CNTNAP2: variants seen among roughly 807,000 people sequenced by gnomAD.
The protein encoded by CNTNAP2 is contactin-associated protein-like 2.
In CNTNAP2, 98 loss-of-function variants were observed where a neutral mutation model predicts 155.2. The ratio of observed to expected loss-of-function variants is 0.63; its 90% CI spans 0.54 to 0.75. The LOEUF is 0.75. Among genes scored for constraint, CNTNAP2 ranks in the 30% least tolerant of loss-of-function variants. The pLI, the probability that CNTNAP2 is intolerant of heterozygous loss-of-function variation, is 0.00. For missense variants in CNTNAP2, 1,727 were observed against 1,688.1 expected, an observed-to-expected ratio of 1.02 and a Z score of -0.40; for synonymous variants, 651 against 631.2, an observed-to-expected ratio of 1.03 and a Z score of -0.47.
chr7:147,332,802 T>C (rs1001513417), intron 9 of CNTNAP2, among the ~76,000 whole-genome samples: 1 of 152,058 alleles, frequency 6.6e-6, no homozygotes, highest in East Asian at 1.9e-4. Context: ...GCAGAAGCTG[T>C]AGTGAGCCGA....
intron 4 of CNTNAP2, among the ~76,000 whole-genome samples, chr7:147,050,501 TG>T (rs1279422287): frequency 1.3e-5 from 2 of 152,166 alleles, no homozygotes. Flanking sequence ...CAAATCGTGA[TG>T]GAAAACTGTC....
At chr7:146,971,009 A>T (rs2129233458) in intron 3 of CNTNAP2, among the ~76,000 whole-genome samples, 1 of 152,276 alleles carries the variant, frequency 6.6e-6, no homozygotes, top group Non-Finnish European at 1.5e-5. Flanking sequence ...GGAATTGAAC[A>T]ATGAGAACAC....
At chr7:146,370,459 A>G (rs1445045868) in intron 1 of CNTNAP2, among the ~76,000 whole-genome samples, 2 of 151,848 alleles carry the variant, frequency 1.3e-5, no homozygotes, top group African/African-American at 2.4e-5. Context: ...AAAGGAAAAA[A>G]AAAACATTTT....
chr7:147,410,341 G>C (rs1797082217), intron 10 of CNTNAP2, among the ~76,000 whole-genome samples: 1 of 152,122 alleles, frequency 6.6e-6, no homozygotes, highest in African/African-American at 2.4e-5. Flanking sequence ...TAACTAATGA[G>C]AACACATGGA....
chr7:148,370,774 T>C (rs1217896672), intron 21 of CNTNAP2, among the ~76,000 whole-genome samples: 1 of 152,154 alleles, frequency 6.6e-6, no homozygotes, highest in Non-Finnish European at 1.5e-5. Context: ...TCATATTTGC[T>C]TTCAGTATAA....
At chr7:146,254,472 A>G (rs1799807365) in intron 1 of CNTNAP2, among the ~76,000 whole-genome samples, 1 of 152,232 alleles carries the variant, frequency 6.6e-6, no homozygotes, top group Non-Finnish European at 1.5e-5. Context: ...AAAAATGAAA[A>G]CAGGAAGTAA....
At chr7:146,621,100 G>A (rs1284804609) in intron 1 of CNTNAP2, among the ~76,000 whole-genome samples, 1 of 152,096 alleles carries the variant, frequency 6.6e-6, no homozygotes, top group East Asian at 1.9e-4. Flanking sequence ...GAGCTAGAGC[G>A]AAATTTAAGA....
intron 1 of CNTNAP2, among the ~76,000 whole-genome samples, chr7:146,460,660 C>T (rs1796623226): frequency 6.6e-6 from 1 of 152,154 alleles, no homozygotes; most frequent in Non-Finnish European, 1.5e-5. Flanking sequence ...GAAGGAAATC[C>T]TGTCCTTTGT....
At chr7:147,793,097 C>T (rs1340774174) in intron 13 of CNTNAP2, among the ~76,000 whole-genome samples, 1 of 152,002 alleles carries the variant, frequency 6.6e-6, no homozygotes, top group Non-Finnish European at 1.5e-5. Flanking sequence ...CTGGTTTTAT[C>T]AGGTATATGG....
chr7:148,147,964 A>T (rs866985178), intron 17 of CNTNAP2, among the ~76,000 whole-genome samples: 4 of 152,104 alleles, frequency 2.6e-5, no homozygotes, highest in South Asian at 2.1e-4. Context: ...AGGCTGAGAC[A>T]TCTCTCAGGT....
chr7:147,415,331 T>G (rs1797174340), intron 10 of CNTNAP2, among the ~76,000 whole-genome samples: 1 of 152,154 alleles, frequency 6.6e-6, no homozygotes, highest in South Asian at 2.1e-4. Context: ...AGGTTAGGCT[T>G]TGTGTCCCTA....
chr7:147,569,547 A>G (rs2190007), intron 12 of CNTNAP2, among the ~76,000 whole-genome samples: 106,647 of 152,032 alleles, frequency 0.7, 37,667 homozygotes, highest in African/African-American at 0.76. Context: ...TTCTGTTACA[A>G]TTGTCCACAG....
chr7:146,825,716 A>T (rs550105068), intron 2 of CNTNAP2, among the ~76,000 whole-genome samples: 1 of 152,168 alleles, frequency 6.6e-6, no homozygotes, highest in African/African-American at 2.4e-5. Flanking sequence ...ATCTGTCTCA[A>T]TTGTCATGAG....
intron 15 of CNTNAP2, among the ~76,000 whole-genome samples, chr7:148,099,785 G>A (rs1804056144): frequency 2.0e-5 from 3 of 151,474 alleles, no homozygotes; most frequent in Admixed American, 1.3e-4. Flanking sequence ...GCCATTCCCA[G>A]GGCCCTCGCT....
chr7:146,940,756 T>C (rs1392379389), intron 3 of CNTNAP2, among the ~76,000 whole-genome samples: 1 of 151,936 alleles, frequency 6.6e-6, no homozygotes, highest in East Asian at 1.9e-4. Context: ...CTGCACTATA[T>C]ATATATACAG....
intron 8 of CNTNAP2, among the ~76,000 whole-genome samples, chr7:147,153,721 C>T (rs1801870416): frequency 6.6e-6 from 1 of 152,162 alleles, no homozygotes; most frequent in East Asian, 1.9e-4. Context: ...CTTGAAAACG[C>T]TGACTTTCAC....
chr7:146,388,256 C>T (rs956088223), intron 1 of CNTNAP2, among the ~76,000 whole-genome samples: 3 of 151,638 alleles, frequency 2.0e-5, no homozygotes, highest in Non-Finnish European at 4.4e-5. Context: ...CATGGCAAAA[C>T]CCTGTTTCTA....
At chr7:147,721,177 G>A (rs527739162) in intron 13 of CNTNAP2, among the ~76,000 whole-genome samples, 1 of 151,774 alleles carries the variant, frequency 6.6e-6, no homozygotes, top group Non-Finnish European at 1.5e-5. Flanking sequence ...ACTAAAATCA[G>A]TGCTGGTTTC....
intron 13 of CNTNAP2, among the ~76,000 whole-genome samples, chr7:147,777,389 G>C (rs553780079): frequency 2.0e-5 from 3 of 152,186 alleles, no homozygotes; most frequent in African/African-American, 7.2e-5. Context: ...CTGAAGGTTT[G>C]CTGTAAATTC....
Sources: allele counts gnomAD v4.1 joint callset (sites outside exome capture counted in the v4.1 genomes callset), GRCh38; gene constraint gnomAD v4.1.1; transcripts MANE v1.5; gene names NCBI Gene and HGNC (gene_info 2026-07-23, HGNC 2026-07-21).